Variants in HCN1 observed in about 807,000 individuals in gnomAD.
HCN1 encodes the protein hyperpolarization activated cyclic nucleotide gated potassium channel 1, also known as potassium/sodium hyperpolarization-activated cyclic nucleotide-gated channel 1.
HCN1 carries 13 observed loss-of-function variants against 78.9 expected under a neutral mutation model. That is an observed-to-expected ratio of 0.16 (90% CI 0.11 to 0.26). HCN1 has a LOEUF of 0.26. Ranked by LOEUF, HCN1 falls within the 10% of genes least tolerant of loss-of-function variation. The pLI, the probability that HCN1 is intolerant of heterozygous loss-of-function variation, is 1.00. For synonymous variants in HCN1, 552 were observed against 455.5 expected (o/e 1.21, Z -2.70); for missense variants, 810 against 1,154.3 (o/e 0.70, Z 4.32).
chr5:45,269,165 C>G (rs1275193893), intron 6 of HCN1, among the ~76,000 whole-genome samples: 1 of 152,158 alleles, frequency 6.6e-6, no homozygotes, highest in African/African-American at 2.4e-5. Context: ...AGGGAATTAA[C>G]AGTAAGTGGG....
intron 6 of HCN1, among the ~76,000 whole-genome samples, chr5:45,298,775 T>C (rs1579789621): frequency 6.6e-6 from 1 of 152,072 alleles, no homozygotes. Flanking sequence ...GGGCTGTGCA[T>C]GGTGACTACC....
intron 4 of HCN1, among the ~76,000 whole-genome samples, chr5:45,370,796 G>T (rs556166721): frequency 3.3e-5 from 5 of 151,894 alleles, no homozygotes; most frequent in Non-Finnish European, 7.4e-5. Context: ...GACACAAAAT[G>T]CAAAAAAATG....
chr5:45,345,524 C>T (rs1296987376), intron 5 of HCN1, among the ~76,000 whole-genome samples: 1 of 152,072 alleles, frequency 6.6e-6, no homozygotes, highest in Non-Finnish European at 1.5e-5. Flanking sequence ...AACTTTTTTT[C>T]CACTAGATAC....
chr5:45,264,483 A>G (rs1744813847), intron 7 of HCN1, among the ~76,000 whole-genome samples: 1 of 152,238 alleles, frequency 6.6e-6, no homozygotes. Context: ...GTAACAAAAT[A>G]TATTTTTGAA....
chr5:45,684,009 A>G lies in HCN1; in HGVS notation c.425+11660T>C, dbSNP rs1276279252. ...AATTCTTAAGTAGCTTGCCCAAGCA[A>G]AAGTCTCTATCTTTGAATCGTCCAT... is the stretch of plus-strand genomic sequence containing the variant. On this transcript the variant is annotated intron_variant, in intron 1 of 7. Coordinates refer to ENST00000303230, the MANE Select transcript of HCN1 (RefSeq NM_021072.4). Among the ~76,000 whole-genome samples the G allele has an allele frequency of 2.0e-5, 3 of 152,166 alleles. No homozygotes were observed. In the East Asian group the frequency reaches 5.8e-4, roughly 29 times the overall value.
chr5:45,328,179 C>T (rs973156426), intron 5 of HCN1, among the ~76,000 whole-genome samples: 14 of 151,592 alleles, frequency 9.2e-5, no homozygotes, highest in Non-Finnish European at 1.8e-4. Context: ...AAATTGAATG[C>T]CTTTTTCATC....
At chr5:45,638,778 TG>T (rs932953172) in intron 2 of HCN1, among the ~76,000 whole-genome samples, 1 of 152,106 alleles carries the variant, frequency 6.6e-6, no homozygotes, top group African/African-American at 2.4e-5. Context: ...TGGGGGCACC[TG>T]TAATCCCAGC....
At chr5:45,518,822 G>T (rs1249222727) in intron 2 of HCN1, among the ~76,000 whole-genome samples, 2 of 151,844 alleles carry the variant, frequency 1.3e-5, no homozygotes, top group Admixed American at 1.3e-4. Context: ...TAAACCTGAA[G>T]AAATTAGAAA....
At chr5:45,625,612 G>C (rs1213715064) in intron 2 of HCN1, among the ~76,000 whole-genome samples, 1 of 151,464 alleles carries the variant, frequency 6.6e-6, no homozygotes, top group Non-Finnish European at 1.5e-5. Flanking sequence ...ACCTGGGAAA[G>C]AGAAAACTTT....
At chr5:45,299,231 A>C (rs1025285987) in intron 6 of HCN1, among the ~76,000 whole-genome samples, 2 of 152,048 alleles carry the variant, frequency 1.3e-5, no homozygotes, top group African/African-American at 4.8e-5. Context: ...CACTTTATTA[A>C]GTACTTTAAC....
chr5:45,646,777 G>A (rs1337389988), intron 1 of HCN1, among the ~76,000 whole-genome samples: 3 of 151,964 alleles, frequency 2.0e-5, no homozygotes, highest in Non-Finnish European at 4.4e-5. Flanking sequence ...AGTTGTTACA[G>A]TATATACTTG....
intron 2 of HCN1, among the ~76,000 whole-genome samples, chr5:45,565,622 A>G (rs1743693318): frequency 6.6e-6 from 1 of 152,096 alleles, no homozygotes; most frequent in African/African-American, 2.4e-5. Flanking sequence ...CAGGAGTTTG[A>G]GACCAGCCTG....
intron 2 of HCN1, among the ~76,000 whole-genome samples, chr5:45,594,895 GA>G (rs1744453476): frequency 6.6e-6 from 1 of 152,132 alleles, no homozygotes; most frequent in Non-Finnish European, 1.5e-5. Context: ...TCATGACAAG[GA>G]AAGTTACTTG....
chr5:45,618,827 A>C (rs1209575506), intron 2 of HCN1, among the ~76,000 whole-genome samples: 1 of 152,076 alleles, frequency 6.6e-6, no homozygotes, highest in Non-Finnish European at 1.5e-5. Flanking sequence ...TGATCAAAAA[A>C]TAAAATAAAA....
At chr5:45,386,593 T>C (rs2112030743) in intron 4 of HCN1, among the ~76,000 whole-genome samples, 1 of 152,286 alleles carries the variant, frequency 6.6e-6, no homozygotes, top group South Asian at 2.1e-4. Flanking sequence ...GTTCAGGGGC[T>C]CATTATTACT....
chr5:45,507,684 C>T (rs1467415641), intron 2 of HCN1, among the ~76,000 whole-genome samples: 1 of 151,900 alleles, frequency 6.6e-6, no homozygotes, highest in Non-Finnish European at 1.5e-5. Context: ...ACGGATTACA[C>T]GAATATCAAA....
At chr5:45,512,557 T>G (rs1489079524) in intron 2 of HCN1, among the ~76,000 whole-genome samples, 7 of 152,216 alleles carry the variant, frequency 4.6e-5, no homozygotes, top group African/African-American at 1.7e-4. Flanking sequence ...TACTTTTTTC[T>G]AAGAAAATAA....
chr5:45,678,560 T>C (rs1739638601), intron 1 of HCN1, among the ~76,000 whole-genome samples: 1 of 151,990 alleles, frequency 6.6e-6, no homozygotes, highest in Non-Finnish European at 1.5e-5. Flanking sequence ...TCTATTTTCA[T>C]GTGCCTCCCA....
chr5:45,338,384 A>C (rs1275958349), intron 5 of HCN1, among the ~76,000 whole-genome samples: 1 of 152,184 alleles, frequency 6.6e-6, no homozygotes, highest in Non-Finnish European at 1.5e-5. Flanking sequence ...GAAGTATTTT[A>C]GGTTGAAATC....
Sources: allele counts gnomAD v4.1 joint callset (sites outside exome capture counted in the v4.1 genomes callset), GRCh38; gene constraint gnomAD v4.1.1; transcripts MANE v1.5; gene names NCBI Gene and HGNC (gene_info 2026-07-23, HGNC 2026-07-21).